The following NRXN3 variants were observed in gnomAD, a reference collection of about 807,000 sequenced individuals.
NRXN3 encodes the protein neurexin III.
NRXN3 carries 32 observed loss-of-function variants against 137.6 expected under a neutral mutation model. The observed-to-expected ratio is 0.23, with a 90% CI of 0.18 to 0.31. The LOEUF is 0.31. NRXN3 is among the 10% of genes least tolerant of loss of function. The pLI is 1.00. For synonymous variants in NRXN3, 798 were observed against 784.5 expected (o/e 1.02, Z -0.29); for missense variants, 1,574 against 2,062.5 (o/e 0.76, Z 4.59).
chr14:79,340,435 A>T (rs977513541), intron 15 of NRXN3, among the ~76,000 whole-genome samples: 1 of 152,096 alleles, frequency 6.6e-6, no homozygotes, highest in Non-Finnish European at 1.5e-5. Context: ...GGTGCTAATA[A>T]AATTGGATAT....
rs751224988 is a variant in NRXN3 at position 78,601,613 on chromosome 14, C to T, written c.758-43507C>T. Among the ~76,000 whole-genome samples the T allele has an allele frequency of 2.4e-4, 37 of 152,086 alleles. No homozygotes were observed. In the Middle Eastern group the frequency reaches 0.014, roughly 56 times the overall value. On this transcript the variant is annotated intron_variant, in intron 4 of 20. Transcript: ENST00000335750. ...GACTACAGGTACCCGCCACCACGCC[C>T]GGCTAATTTTTTGTATATTTTTAGT...
chr14:78,953,592 C>A (rs2099391076), intron 10 of NRXN3, among the ~76,000 whole-genome samples: 1 of 152,166 alleles, frequency 6.6e-6, no homozygotes, highest in Admixed American at 6.5e-5. Context: ...ATTAAACACT[C>A]TATTTTTACA....
chr14:79,766,044 C>T (rs987217498), intron 19 of NRXN3, among the ~76,000 whole-genome samples: 1 of 152,110 alleles, frequency 6.6e-6, no homozygotes, highest in Non-Finnish European at 1.5e-5. Context: ...TATAGCATAC[C>T]TGTATTCAGG....
intron 15 of NRXN3, among the ~76,000 whole-genome samples, chr14:79,048,146 T>G (rs564645292): frequency 6.6e-6 from 1 of 152,196 alleles, no homozygotes; most frequent in Non-Finnish European, 1.5e-5. Flanking sequence ...AGTATATTTT[T>G]GTGGAGAGAA....
chr14:78,976,812 C>T (rs926451698), intron 14 of NRXN3, among the ~76,000 whole-genome samples: 1 of 152,148 alleles, frequency 6.6e-6, no homozygotes, highest in Admixed American at 6.5e-5. Flanking sequence ...TTCTGGACTC[C>T]TCATCAACTG....
intron 4 of NRXN3, chr14:78,403,829 A>G: frequency 1.0e-6 from 1 of 985,290 alleles, no homozygotes; most frequent in South Asian, 4.7e-5. Context: ...TCTCAGGGAT[A>G]TGCACTCTGC....
intron 15 of NRXN3, among the ~76,000 whole-genome samples, chr14:79,121,241 C>T (rs145262837): frequency 1.3e-5 from 2 of 152,304 alleles, no homozygotes; most frequent in East Asian, 3.9e-4. Flanking sequence ...ACTGAGAGCA[C>T]CTGCTCCCTA....
chr14:79,027,319 C>T (rs1325488186), intron 15 of NRXN3, among the ~76,000 whole-genome samples: 1 of 151,944 alleles, frequency 6.6e-6, no homozygotes, highest in Admixed American at 6.6e-5. Context: ...GAAATAGTCT[C>T]AGATTCACCC....
chr14:79,713,487 T>G (rs2154054395), intron 19 of NRXN3, among the ~76,000 whole-genome samples: 1 of 145,826 alleles, frequency 6.9e-6, no homozygotes, highest in East Asian at 2.0e-4. Flanking sequence ...TGTATATATA[T>G]ATATATATAT....
chr14:79,859,816 A>G (rs1321284951), intron 20 of NRXN3, among the ~76,000 whole-genome samples: 1 of 152,194 alleles, frequency 6.6e-6, no homozygotes, highest in African/African-American at 2.4e-5. Flanking sequence ...AACCTTCTAA[A>G]TAACTGGGGC....
intron 20 of NRXN3, among the ~76,000 whole-genome samples, chr14:79,842,326 G>C (rs1261522730): frequency 6.6e-6 from 1 of 152,174 alleles, no homozygotes; most frequent in Non-Finnish European, 1.5e-5. Flanking sequence ...GGGAAGATGT[G>C]AAGGGCCTCT....
intron 16 of NRXN3, among the ~76,000 whole-genome samples, chr14:79,657,031 T>G (rs1323715827): frequency 6.6e-6 from 1 of 152,164 alleles, no homozygotes; most frequent in Non-Finnish European, 1.5e-5. Context: ...ATTTCTCAGC[T>G]AGCATCACTA....
chr14:78,600,320 T>C (rs373566877), intron 4 of NRXN3, among the ~76,000 whole-genome samples: 1 of 152,196 alleles, frequency 6.6e-6, no homozygotes, highest in Non-Finnish European at 1.5e-5. Flanking sequence ...CCCCACCTTA[T>C]AGATATGTAT....
At chr14:79,229,551 A>C (rs532416761) in intron 15 of NRXN3, among the ~76,000 whole-genome samples, 6 of 152,192 alleles carry the variant, frequency 3.9e-5, no homozygotes, top group Non-Finnish European at 8.8e-5. Flanking sequence ...GCACACTAGC[A>C]GTGACTCTTT....
chr14:78,347,753 T>C (rs2082944502), intron 4 of NRXN3, among the ~76,000 whole-genome samples: 1 of 152,144 alleles, frequency 6.6e-6, no homozygotes, highest in Admixed American at 6.5e-5. Context: ...CAGGAGTCCT[T>C]GGTTGTATTT....
chr14:79,095,666 A>G (rs2050181988), intron 15 of NRXN3, among the ~76,000 whole-genome samples: 1 of 147,774 alleles, frequency 6.8e-6, no homozygotes, highest in African/African-American at 2.5e-5. Context: ...TACATGTGAG[A>G]TTTGAAGAAA....
chr14:78,607,760 G>C (rs945484717), intron 4 of NRXN3, among the ~76,000 whole-genome samples: 2 of 152,180 alleles, frequency 1.3e-5, no homozygotes, highest in East Asian at 3.9e-4. Flanking sequence ...TCTGTGTTAA[G>C]GTTTCTGTGG....
chr14:79,098,977 C>T (rs544682894), intron 15 of NRXN3, among the ~76,000 whole-genome samples: 8 of 152,234 alleles, frequency 5.3e-5, no homozygotes, highest in East Asian at 1.9e-4. Context: ...TTTAATCAAT[C>T]GATTGCACAG....
rs536412527 is a variant in NRXN3, at chr14:79,663,046, C to A, written c.3445-732C>A. ...CAAGTCTTTGATGGCCACAGAGGTT[C>A]TCTTCTGCTGTGTTGCATAAGCTCT... is the stretch of plus-strand genomic sequence containing the variant. On this transcript the variant is annotated intron_variant, in intron 16 of 20. Coordinates refer to ENST00000335750, the MANE Select transcript of NRXN3 (RefSeq NM_001330195.2). Among the ~76,000 whole-genome samples the A allele has an allele frequency of 1.2e-4, 19 of 152,208 alleles. No homozygotes were observed. The East Asian group carries it at 3.7e-3, about 29-fold the overall frequency.
Sources: gnomAD v4.1 joint callset for allele counts (sites outside exome capture counted in the v4.1 genomes callset) on GRCh38, gnomAD v4.1.1 for gene constraint, MANE v1.5 for transcripts, NCBI Gene and HGNC (gene_info 2026-07-23, HGNC 2026-07-21) for gene names.